The following CACNA2D3 variants were observed in gnomAD, a reference collection of about 807,000 sequenced individuals.
The protein encoded by CACNA2D3 is voltage-dependent calcium channel subunit alpha-2/delta-3.
CACNA2D3 carries 60 observed loss-of-function variants against 160.6 expected under a neutral mutation model. The observed-to-expected ratio is 0.37, with a 90% CI of 0.30 to 0.46. The LOEUF (loss-of-function observed/expected upper bound fraction) is 0.46, where lower values mean the gene tolerates loss of function less well. Ranked by LOEUF, CACNA2D3 falls within the 20% of genes least tolerant of loss-of-function variation. The pLI, the probability that CACNA2D3 is intolerant of heterozygous loss-of-function variation, is 1.00. For synonymous variants in CACNA2D3, 558 were observed against 492.9 expected, an observed-to-expected ratio of 1.13 and a Z score of -1.75; for missense variants, 1,205 against 1,365.0, an observed-to-expected ratio of 0.88 and a Z score of 1.85.
intron 5 of CACNA2D3, among the ~76,000 whole-genome samples, chr3:54,517,244 T>C (rs1020144625): frequency 6.6e-6 from 1 of 152,210 alleles, no homozygotes; most frequent in African/African-American, 2.4e-5. Flanking sequence ...GAGCAGTGGC[T>C]TGGGAGAAGC....
chr3:54,405,179 A>G (rs1044597539), intron 4 of CACNA2D3, among the ~76,000 whole-genome samples: 10 of 151,814 alleles, frequency 6.6e-5, no homozygotes, highest in African/African-American at 1.5e-4. Flanking sequence ...ATCCCTATCA[A>G]AATCCCAATG....
intron 2 of CACNA2D3, among the ~76,000 whole-genome samples, chr3:54,316,939 TTTTC>T (rs1437524237): frequency 2.8e-4 from 43 of 152,350 alleles, no homozygotes; most frequent in African/African-American, 1.0e-3. Context: ...TCCATTTTAT[TTTTC>T]TTTATCTTGA....
intron 9 of CACNA2D3, among the ~76,000 whole-genome samples, chr3:54,620,017 G>A (rs1367125007): frequency 1.3e-5 from 2 of 152,176 alleles, no homozygotes; most frequent in African/African-American, 4.8e-5. Context: ...CCAAATCAGC[G>A]GGGAGGACAG....
chr3:54,690,925 C>G (rs1048557465), intron 11 of CACNA2D3, among the ~76,000 whole-genome samples: 1 of 152,110 alleles, frequency 6.6e-6, no homozygotes, highest in Admixed American at 6.5e-5. Flanking sequence ...CGAGGGCTGT[C>G]TTTTTACCCT....
chr3:54,814,715 C>A (rs368599141), intron 13 of CACNA2D3, among the ~76,000 whole-genome samples: 1 of 152,152 alleles, frequency 6.6e-6, no homozygotes, highest in Non-Finnish European at 1.5e-5. Context: ...AGGACATCAC[C>A]ACAAAGGCCT....
chr3:54,788,097 T>C (rs1175819041), intron 13 of CACNA2D3, among the ~76,000 whole-genome samples: 2 of 152,226 alleles, frequency 1.3e-5, no homozygotes, highest in African/African-American at 4.8e-5. Context: ...TTTATATACA[T>C]TTCCTTATTA....
At chr3:54,220,473 C>T (rs1296977014) in intron 2 of CACNA2D3, among the ~76,000 whole-genome samples, 2 of 152,118 alleles carry the variant, frequency 1.3e-5, no homozygotes, top group African/African-American at 2.4e-5. Flanking sequence ...AAGCCACACT[C>T]GAATGGGACA....
At chr3:54,199,661 C>T (rs377458750) in intron 2 of CACNA2D3, among the ~76,000 whole-genome samples, 99 of 152,146 alleles carry the variant, frequency 6.5e-4, no homozygotes, top group African/African-American at 2.2e-3. Context: ...CTTTGCTCTT[C>T]AGAGGCCCTT....
chr3:54,753,449 C>T (rs1045425457), intron 12 of CACNA2D3, among the ~76,000 whole-genome samples: 1 of 152,154 alleles, frequency 6.6e-6, no homozygotes, highest in Non-Finnish European at 1.5e-5. Flanking sequence ...TCTGAAGGTA[C>T]ATGGTCCAGA....
Position 54,845,019 on chromosome 3 carries a change from T to G in CACNA2D3, c.1552-1374T>G, listed in dbSNP as rs111637260. 4.4e-3 allele frequency among the ~76,000 whole-genome samples: 664 copies of G among 152,282 alleles called. 5 individuals are homozygous for G. The highest frequency in any genetic ancestry group is 0.014 in the African/African-American group (578 of 41,556). The stretch of plus-strand genomic sequence containing the variant: ...AATGCAGCGTTGACTGTGTCTGACA[T>G]TTTTCCAAGAGACAAGATGAAAGAG... On this transcript the variant is annotated intron_variant, in intron 16 of 37. Coordinates refer to ENST00000474759, the MANE Select transcript of CACNA2D3 (RefSeq NM_018398.3).
chr3:54,580,238 A>G (rs2106737140), intron 8 of CACNA2D3, among the ~76,000 whole-genome samples: 1 of 152,248 alleles, frequency 6.6e-6, no homozygotes, highest in South Asian at 2.1e-4. Flanking sequence ...GCCTAGGTGC[A>G]GTAAGTGCTC....
At chr3:54,536,705 G>T (rs945867303) in intron 5 of CACNA2D3, among the ~76,000 whole-genome samples, 1 of 152,210 alleles carries the variant, frequency 6.6e-6, no homozygotes, top group Non-Finnish European at 1.5e-5. Context: ...GCCATGTGCT[G>T]GGGGAGTGAT....
intron 2 of CACNA2D3, among the ~76,000 whole-genome samples, chr3:54,166,494 A>T (rs977861480): frequency 4.6e-5 from 7 of 152,204 alleles, no homozygotes; most frequent in African/African-American, 1.7e-4. Flanking sequence ...ATTAATTTCA[A>T]GATACAGGAG....
chr3:54,428,753 CCTTT>C (rs2106767775), intron 4 of CACNA2D3, among the ~76,000 whole-genome samples: 1 of 152,264 alleles, frequency 6.6e-6, no homozygotes, highest in African/African-American at 2.4e-5. Flanking sequence ...GTGTATGTTG[CCTTT>C]CTTCCAATAT....
rs1392772091 is a variant in CACNA2D3, at chr3:54,704,644, G to A, written c.1168-47955G>A. Among the ~76,000 whole-genome samples the A allele has an allele frequency of 4.6e-5, 7 of 152,126 alleles. 1 individual carries two copies. Among genetic ancestry groups the A allele is most frequent in the Non-Finnish European group, 8.8e-5 (6 of 68,010 alleles). On this transcript the variant is annotated intron_variant, in intron 11 of 37. Transcript: ENST00000474759. ...ATAGGAACAGCACAGCTGTACGGGG[G>A]TGGAATCCCTTTAACAAGAGGTGTT... is the stretch of plus-strand genomic sequence containing the variant.
intron 13 of CACNA2D3, among the ~76,000 whole-genome samples, chr3:54,812,821 A>G (rs1703353928): frequency 6.6e-6 from 1 of 152,206 alleles, no homozygotes; most frequent in Admixed American, 6.5e-5. Context: ...TGAGATACTT[A>G]ACCATTCTAA....
intron 13 of CACNA2D3, among the ~76,000 whole-genome samples, chr3:54,799,934 C>T (rs1304898983): frequency 3.3e-5 from 5 of 152,220 alleles, no homozygotes; most frequent in Admixed American, 6.5e-5. Context: ...CTAACTTTCT[C>T]GGCATAGTGT....
At chr3:54,984,935 T>G (rs1324860650) in intron 30 of CACNA2D3, among the ~76,000 whole-genome samples, 1 of 152,150 alleles carries the variant, frequency 6.6e-6, no homozygotes, top group Non-Finnish European at 1.5e-5. Context: ...ATGTTCAATT[T>G]ATAGAACTCT....
intron 2 of CACNA2D3, among the ~76,000 whole-genome samples, chr3:54,127,266 C>A (rs1429884961): frequency 1.3e-5 from 2 of 152,190 alleles, no homozygotes; most frequent in Non-Finnish European, 2.9e-5. Flanking sequence ...ACCTTGGACG[C>A]CTCATGGAGC....
Sources: gnomAD v4.1 joint callset for allele counts (sites outside exome capture counted in the v4.1 genomes callset) on GRCh38, gnomAD v4.1.1 for gene constraint, MANE v1.5 for transcripts, NCBI Gene and HGNC (gene_info 2026-07-23, HGNC 2026-07-21) for gene names.